The following RREB1 variants were observed in gnomAD, a reference collection of about 807,000 sequenced individuals.
RREB1 encodes ras responsive element binding protein 1.
In RREB1, 27 loss-of-function variants were observed where a neutral mutation model predicts 117.8. That is an observed-to-expected ratio of 0.23 (90% CI 0.17 to 0.32). The LOEUF is 0.32. RREB1 is among the 10% of genes least tolerant of loss of function. RREB1 has a pLI of 1.00. For missense variants in RREB1, 2,577 were observed against 2,378.2 expected, an observed-to-expected ratio of 1.08 and a Z score of -1.74; for synonymous variants, 1,298 against 1,026.7, an observed-to-expected ratio of 1.26 and a Z score of -5.05.
chr6:7,219,049 A>G (rs1014680427), intron 8 of RREB1: 4 of 130,138 alleles, frequency 3.1e-5, no homozygotes, highest in Admixed American at 1.9e-4. Flanking sequence ...GGAGTTGGAG[A>G]CCCGTCTGGC....
chr6:7,176,099 TAG>T (rs887883727), intron 1 of RREB1, among the ~76,000 whole-genome samples: 5 of 152,148 alleles, frequency 3.3e-5, no homozygotes, highest in Admixed American at 3.3e-4. Flanking sequence ...GTGTTTTTTA[TAG>T]AGACAGGGTT....
intron 1 of RREB1, among the ~76,000 whole-genome samples, chr6:7,114,199 G>A (rs960875345): frequency 6.6e-6 from 1 of 152,174 alleles, no homozygotes; most frequent in African/African-American, 2.4e-5. Context: ...TTGCCTGTCT[G>A]CAACCTCCAC....
At chr6:7,164,040 G>A (rs1763799950) in intron 1 of RREB1, among the ~76,000 whole-genome samples, 1 of 151,856 alleles carries the variant, frequency 6.6e-6, no homozygotes, top group Admixed American at 6.6e-5. Flanking sequence ...TGTAGGAGAG[G>A]GGCCACATAG....
chr6:7,219,508 C>T (rs1490798934), intron 8 of RREB1, among the ~76,000 whole-genome samples: 3 of 152,114 alleles, frequency 2.0e-5, no homozygotes, highest in African/African-American at 4.8e-5. Flanking sequence ...CAGTGGCTGG[C>T]GGGTTGGGTC....
chr6:7,210,141 A>G (rs1040806730), intron 6 of RREB1, among the ~76,000 whole-genome samples: 1 of 152,272 alleles, frequency 6.6e-6, no homozygotes, highest in Non-Finnish European at 1.5e-5. Flanking sequence ...TATTTTATGT[A>G]ATACTTAACT....
In RREB1 at chr6:7,249,223, G is replaced by T; in HGVS notation, c.*255G>T. ...TTACCGGATCCCTCCATATTATCAT[G>T]GGTGTTGTATTTTTCCAAAATGACT... On this transcript the variant is annotated 3_prime_UTR_variant, in exon 13 of 13. Coordinates refer to ENST00000379938, the MANE Select transcript of RREB1 (RefSeq NM_001003699.4). 2.2e-6 allele frequency: 1 copy of T among 452,568 alleles called. No homozygotes were observed. Among genetic ancestry groups the T allele is most frequent in the East Asian group, 3.3e-5 (1 of 30,316 alleles). 28.0% of individuals were successfully genotyped at this position (452,568 alleles called of 1,614,324 possible).
At position 7,230,470 on chromosome 6, in the gene RREB1, G is replaced by A. The variant is rs751694303; in HGVS notation, c.2371G>A (p.Glu791Lys). Reference sequence around the variant, plus strand: ...GGGCCACAAGGGCCGCAAGCCCTTCGAGTGCAAGGAGTGCAGCGCCGCGTT... The same window carrying A: ...GGGCCACAAGGGCCGCAAGCCCTTCAAGTGCAAGGAGTGCAGCGCCGCGTT... ...GGGHKGRKPF[E>K]CKECSAAFAA... Residue 791 changes from glutamate to lysine, a missense_variant, in exon 10 of 13, where the codon GAG (glutamate) becomes AAG (lysine). Physicochemically the swap from Glu to Lys is moderately conservative, Grantham distance 56. Coordinates refer to ENST00000379938, the MANE Select transcript of RREB1 (RefSeq NM_001003699.4). 6.3e-7 allele frequency: 1 copy of A among 1,593,580 alleles called. No homozygotes were observed. The highest frequency in any genetic ancestry group is 1.7e-5 in the Admixed American group (1 of 59,206).
intron 8 of RREB1, among the ~76,000 whole-genome samples, chr6:7,221,478 G>T (rs1767257632): frequency 6.6e-6 from 1 of 152,242 alleles, no homozygotes; most frequent in African/African-American, 2.4e-5. Flanking sequence ...GGCCGCAAGT[G>T]TTTTTCTGTG....
chr6:7,209,020 G>A (rs960207971), intron 6 of RREB1, among the ~76,000 whole-genome samples: 5 of 152,126 alleles, frequency 3.3e-5, no homozygotes, highest in Admixed American at 6.5e-5. Context: ...TGGAAATAAT[G>A]ATCTGTCTAA....
chr6:7,185,352 C>T (rs1224524732), intron 4 of RREB1: 1 of 152,098 alleles, frequency 6.6e-6, no homozygotes, highest in African/African-American at 2.4e-5. Flanking sequence ...GGTGGATCAC[C>T]TGAGGTCGGG....
intron 1 of RREB1, among the ~76,000 whole-genome samples, chr6:7,153,088 T>C (rs1001577706): frequency 1.3e-5 from 2 of 151,604 alleles, no homozygotes. Context: ...GAAGGAGGTA[T>C]TAATCTTTGT....
chr6:7,200,244 ATGTGTGTGTGTGTG>A (rs70978945), intron 6 of RREB1, among the ~76,000 whole-genome samples: 141 of 129,372 alleles, frequency 1.1e-3, no homozygotes, highest in African/African-American at 3.7e-3. Flanking sequence ...ATGTGTGTAT[ATGTGTGTGTGTGTG>A]TGTGTGTGTG....
chr6:7,230,867 C>A lies in RREB1; in HGVS notation c.2768C>A (p.Ser923Tyr). 6.2e-7 allele frequency: 1 copy of A among 1,614,244 alleles called. No homozygotes were observed. Among genetic ancestry groups the A allele is most frequent in the Non-Finnish European group, 8.5e-7 (1 of 1,180,042 alleles). ...KQENISFLSP[S>Y]SLVPYDCSME... ...GAAAACATCTCCTTTCTGAGCCCTT[C>A]TTCCCTGGTCCCCTATGACTGCTCC... Residue 923 changes from serine to tyrosine, a missense_variant, in exon 10 of 13, where the codon TCT becomes TAT. By Grantham distance (144) the Ser-to-Tyr change is moderately radical (BLOSUM62 -2). Coordinates refer to ENST00000379938, the MANE Select transcript of RREB1 (RefSeq NM_001003699.4).
intron 6 of RREB1, among the ~76,000 whole-genome samples, chr6:7,190,364 G>T (rs1765339682): frequency 6.6e-6 from 1 of 152,148 alleles, no homozygotes; most frequent in Admixed American, 6.5e-5. Flanking sequence ...CACTGGATAA[G>T]GCTGAGGATT....
At position 7,249,825 on chromosome 6, in the gene RREB1, AG is replaced by A. The variant is rs1769333896; in HGVS notation, c.*858del. 1.3e-5 allele frequency: 2 copies of A among 152,172 alleles called. No individual in the cohort carries two copies. The highest frequency in any genetic ancestry group is 4.8e-5 in the African/African-American group (2 of 41,404). 9.4% of individuals were successfully genotyped at this position (152,172 alleles called of 1,614,324 possible). On this transcript the variant is annotated 3_prime_UTR_variant, in exon 13 of 13. Transcript: ENST00000379938. ...TATTATTATTATTATTATTATTATT[AG>A]TTCATCAGTTTGCTGTTCTCTGCAG...
chr6:7,160,810 C>T (rs896590103), intron 1 of RREB1, among the ~76,000 whole-genome samples: 3 of 124,116 alleles, frequency 2.4e-5, no homozygotes, highest in Non-Finnish European at 5.0e-5. Context: ...CCTCAGCCTC[C>T]TGAGTAGCTG....
chr6:7,240,688 T>C, intron 11 of RREB1, 86 bp downstream of exon 11: 8 of 1,241,226 alleles, frequency 6.4e-6, no homozygotes, highest in Non-Finnish European at 9.0e-6. Flanking sequence ...GTCCGAGCTG[T>C]GGAGGGGCTG....
intron 8 of RREB1, among the ~76,000 whole-genome samples, chr6:7,223,911 T>C (rs983540420): frequency 5.3e-5 from 8 of 152,252 alleles, no homozygotes; most frequent in Admixed American, 2.0e-4. Flanking sequence ...ATACTTGTAA[T>C]AATTTCTTAT....
Position 7,230,440 on chromosome 6 carries a change from G to A in RREB1, c.2341G>A (p.Gly781Ser), listed in dbSNP as rs777510222. The A allele has an allele frequency of 6.3e-7, 1 of 1,592,402 alleles. No homozygotes were observed. The highest frequency in any genetic ancestry group is 2.2e-5 in the East Asian group (1 of 44,684). The change falls in exon 10 of 13, where the codon GGC (glycine) becomes AGC (serine). Residue 781 changes from glycine (G) to serine (S), a missense_variant. Gly to Ser is a moderately conservative substitution (Grantham distance 56). Transcript: ENST00000379938. ...HMRTHCGRGL[G>S]GGHKGRKPFE... ...GCGCACGCACTGCGGCCGCGGCCTG[G>A]GCGGGGGCCACAAGGGCCGCAAGCC...
Sources: gnomAD v4.1 joint callset for allele counts (sites outside exome capture counted in the v4.1 genomes callset) on GRCh38, gnomAD v4.1.1 for gene constraint, MANE v1.5 for transcripts, NCBI Gene and HGNC (gene_info 2026-07-23, HGNC 2026-07-21) for gene names.